Variants in CYP2C19 observed in about 807,000 individuals in gnomAD.
CYP2C19 encodes the protein cytochrome P450 2C19.
Under a neutral mutation model 40.9 loss-of-function variants are expected in CYP2C19, and 59 were observed. The observed-to-expected ratio is 1.44, with a 90% CI of 1.17 to 1.79. CYP2C19 has a LOEUF of 1.79. Among genes scored for constraint, CYP2C19 ranks in the 40% most tolerant of loss-of-function variants. The pLI is 0.00. For missense variants in CYP2C19, 754 were observed against 596.9 expected (o/e 1.26, Z -2.74); for synonymous variants, 253 against 208.7 (o/e 1.21, Z -1.83).
chr10:94,840,337 T>C (rs1849472892), intron 6 of CYP2C19, among the ~76,000 whole-genome samples: 1 of 151,130 alleles, frequency 6.6e-6, no homozygotes, highest in African/African-American at 2.4e-5. Flanking sequence ...CTTGGGGCCC[T>C]GGCAAGTGTG....
chr10:94,821,005 C>T (rs1849111922), intron 6 of CYP2C19, among the ~76,000 whole-genome samples: 1 of 152,086 alleles, frequency 6.6e-6, no homozygotes, highest in South Asian at 2.1e-4. Context: ...ATCGCTTGAA[C>T]CCGGGTGGTG....
intron 6 of CYP2C19, among the ~76,000 whole-genome samples, chr10:94,833,420 G>A (rs1406264966): frequency 6.6e-6 from 1 of 151,628 alleles, no homozygotes; most frequent in Non-Finnish European, 1.5e-5. Context: ...TTTATGTTGA[G>A]GTATGTTCCT....
At chr10:94,850,547 A>C (rs895160298) in intron 8 of CYP2C19, among the ~76,000 whole-genome samples, 11 of 152,202 alleles carry the variant, frequency 7.2e-5, no homozygotes, top group Admixed American at 2.6e-4. Context: ...TTGTAGTTCA[A>C]TAGGACTGAG....
intron 6 of CYP2C19, among the ~76,000 whole-genome samples, chr10:94,821,038 G>T (rs1042595354): frequency 6.6e-6 from 1 of 152,096 alleles, no homozygotes; most frequent in African/African-American, 2.4e-5. Context: ...AGCCAAGATT[G>T]TGCCATTGCA....
At chr10:94,788,242 AC>A (rs1450383720) in intron 5 of CYP2C19, among the ~76,000 whole-genome samples, 3 of 151,806 alleles carry the variant, frequency 2.0e-5, no homozygotes, top group African/African-American at 7.3e-5. Flanking sequence ...CTGAAATTTC[AC>A]TGGAGTTGTA....
intron 5 of CYP2C19, among the ~76,000 whole-genome samples, chr10:94,810,761 A>G (rs1194876417): frequency 6.6e-6 from 1 of 151,644 alleles, no homozygotes; most frequent in African/African-American, 2.4e-5. Flanking sequence ...TGTTCTCTCT[A>G]TTTGATTCTT....
chr10:94,775,944 G>A (rs1475409414), intron 3 of CYP2C19: 4 of 237,474 alleles, frequency 1.7e-5, no homozygotes, highest in Non-Finnish European at 3.3e-5. Context: ...ACACCCCTAG[G>A]GAGCATGAAC....
chr10:94,771,700 C>T (rs548135675), intron 1 of CYP2C19, among the ~76,000 whole-genome samples: 59 of 152,236 alleles, frequency 3.9e-4, no homozygotes, highest in African/African-American at 1.3e-3. Flanking sequence ...TTGTTTGTTT[C>T]TACCTGCCCA....
At chr10:94,788,960 A>C (rs1422248609) in intron 5 of CYP2C19, among the ~76,000 whole-genome samples, 1 of 152,122 alleles carries the variant, frequency 6.6e-6, no homozygotes, top group East Asian at 1.9e-4. Flanking sequence ...TTACATTCCC[A>C]CAAACAGTGT....
chr10:94,806,753 A>G (rs1282849533), intron 5 of CYP2C19, among the ~76,000 whole-genome samples: 3 of 149,626 alleles, frequency 2.0e-5, no homozygotes, highest in Non-Finnish European at 4.4e-5. Context: ...ATAAATTTAT[A>G]ATTTATTATT....
At position 94,854,162 on chromosome 10, in the gene CYP2C19, G is replaced by A. The variant is rs762513097; in HGVS notation, c.*1248G>A. 9.9e-5 allele frequency among the ~76,000 whole-genome samples: 15 copies of A among 151,806 alleles called. No homozygotes were observed. Among genetic ancestry groups the A allele is most frequent in the Non-Finnish European group, 2.1e-4 (14 of 67,978 alleles). ...GCCCCCCAAGTAGCTGGGATTACAG[G>A]TGCCTACCACCACACCAGGCTAATT... On this transcript the variant is annotated 3_prime_UTR_variant, in exon 9 of 9. Coordinates refer to ENST00000371321, the MANE Select transcript of CYP2C19 (RefSeq NM_000769.4).
chr10:94,831,324 G>A (rs1849331936), intron 6 of CYP2C19, among the ~76,000 whole-genome samples: 1 of 152,194 alleles, frequency 6.6e-6, no homozygotes, highest in East Asian at 1.9e-4. Context: ...ATTGTAAACA[G>A]TGCTGCAACA....
intron 5 of CYP2C19, among the ~76,000 whole-genome samples, chr10:94,816,029 A>C (rs980768764): frequency 6.6e-6 from 1 of 152,032 alleles, no homozygotes; most frequent in African/African-American, 2.4e-5. Flanking sequence ...ATGTCTTCTC[A>C]TTTGTGTTTT....
chr10:94,821,203 C>T (rs1849116397), intron 6 of CYP2C19, among the ~76,000 whole-genome samples: 1 of 152,154 alleles, frequency 6.6e-6, no homozygotes, highest in Non-Finnish European at 1.5e-5. Context: ...AGCTCTGGCC[C>T]AGTGTGTCTG....
At chr10:94,811,527 T>C (rs1270755816) in intron 5 of CYP2C19, among the ~76,000 whole-genome samples, 1 of 152,198 alleles carries the variant, frequency 6.6e-6, no homozygotes, top group Non-Finnish European at 1.5e-5. Flanking sequence ...AGCCTCTTTG[T>C]AGGTCTTTAA....
intron 1 of CYP2C19, among the ~76,000 whole-genome samples, chr10:94,771,631 G>A (rs1589817766): frequency 6.6e-6 from 1 of 152,102 alleles, no homozygotes; most frequent in Non-Finnish European, 1.5e-5. Flanking sequence ...TTTCAAGGGT[G>A]AGCCTGTTGA....
At chr10:94,782,820 G>A (rs1439790498) in intron 5 of CYP2C19, among the ~76,000 whole-genome samples, 1 of 152,128 alleles carries the variant, frequency 6.6e-6, no homozygotes, top group Non-Finnish European at 1.5e-5. Context: ...GGACATAGAT[G>A]AAGCTGGAAG....
In CYP2C19 at chr10:94,852,987, C is replaced by G. The variant is rs1376286964; in HGVS notation, c.*73C>G. ...TTTCCTCTGGTCCAAATTTCACTAT[C>G]TGTGATGCTTCTTCTGACCCGTCAT... is the stretch of plus-strand genomic sequence containing the variant. On this transcript the variant is annotated 3_prime_UTR_variant, in exon 9 of 9. Coordinates refer to ENST00000371321, the MANE Select transcript of CYP2C19 (RefSeq NM_000769.4). 1.4e-6 allele frequency: 2 copies of G among 1,474,588 alleles called. No individual in the cohort carries two copies. The highest frequency in any genetic ancestry group is 4.5e-5 in the East Asian group (2 of 44,070). 91.3% of individuals were successfully genotyped at this position (1,474,588 alleles called of 1,614,324 possible). A position where few individuals can be genotyped will look rare whatever the true frequency, so the allele number is the denominator to read the frequency against.
chr10:94,778,899 G>C (rs974889898), intron 3 of CYP2C19, among the ~76,000 whole-genome samples: 2 of 152,184 alleles, frequency 1.3e-5, no homozygotes, highest in Non-Finnish European at 2.9e-5. Flanking sequence ...TAAAGAAAAT[G>C]TGGCACATAT....
Sources: gnomAD v4.1 joint callset for allele counts (sites outside exome capture counted in the v4.1 genomes callset) on GRCh38, gnomAD v4.1.1 for gene constraint, MANE v1.5 for transcripts, NCBI Gene and HGNC (gene_info 2026-07-23, HGNC 2026-07-21) for gene names.